Variants in S100A11 observed in about 807,000 individuals in gnomAD.
S100A11 encodes the protein protein S100-A11.
S100A11 carries 5 observed loss-of-function variants against 7.4 expected under a neutral mutation model. The ratio of observed to expected loss-of-function variants is 0.68; its 90% CI spans 0.35 to 1.42. The LOEUF is 1.42. Ranked by LOEUF, S100A11 falls within the 40% of genes most tolerant of loss-of-function variation. S100A11 has a pLI of 0.04. For synonymous variants in S100A11, 47 were observed against 46.6 expected (o/e 1.01, Z -0.04); for missense variants, 96 against 125.0 (o/e 0.77, Z 1.11).
rs1040904491 is a variant in S100A11, at chr1:152,033,893, G to A, written c.4-93C>T. 3.5e-6 allele frequency: 4 copies of A among 1,153,060 alleles called. No homozygotes were observed. The African/African-American group carries it at 6.2e-5, about 18-fold the overall frequency. 71.4% of individuals were successfully genotyped at this position (1,153,060 alleles called of 1,614,324 possible). On this transcript the variant is annotated intron_variant, in intron 1 of 2. Transcript: ENST00000271638. The surrounding 1 kb of genome is among the most constrained non-coding windows in gnomAD (Gnocchi z 4.0). ...CCAGGGACTCTTATTTCAGGTCAAA[G>A]CAGTTTCCTAAAAGACTGAGTCATT... is the stretch of plus-strand genomic sequence containing the variant.
chr1:152,033,840 A>G lies in S100A11; in HGVS notation c.4-40T>C. ...AATTGCAGGGCTCAGACAAGGGAAG[A>G]TGTCAAGGCTGGATACTGGAGAAAA... On this transcript the variant is annotated intron_variant, in intron 1 of 2. Coordinates refer to ENST00000271638, the MANE Select transcript of S100A11 (RefSeq NM_005620.2). The surrounding 1 kb of genome is among the most constrained non-coding windows in gnomAD (Gnocchi z 4.0). 6.3e-7 allele frequency: 1 copy of G among 1,592,804 alleles called. No homozygotes were observed. Among genetic ancestry groups the G allele is most frequent in the East Asian group, 2.2e-5 (1 of 44,772 alleles).
In S100A11 at chr1:152,033,498, C is replaced by A; in HGVS notation, c.156+150G>T. 1 of 710,194 alleles carries A rather than the reference C, an allele frequency of 1.4e-6. No homozygotes were observed. Among genetic ancestry groups the A allele is most frequent in the Non-Finnish European group, 2.5e-6 (1 of 407,320 alleles). The allele number at this position is 710,194 out of a possible 1,614,324, so 44.0% of individuals were successfully genotyped here. On this transcript the variant is annotated intron_variant, in intron 2 of 2. Coordinates refer to ENST00000271638, the MANE Select transcript of S100A11 (RefSeq NM_005620.2). The surrounding 1 kb of genome is among the most constrained non-coding windows in gnomAD (Gnocchi z 4.0). ...TATACCATTTCATATATCTCTCTTC[C>A]TAAATGGAAAAACTCCTGGCTTAGA...
chr1:152,033,549 G>A lies in S100A11; in HGVS notation c.156+99C>T, dbSNP rs994849174. 1 of 1,078,808 alleles carries A rather than the reference G, an allele frequency of 9.3e-7. No individual in the cohort carries two copies. The highest frequency in any genetic ancestry group is 2.4e-5 in the East Asian group (1 of 42,000). The allele number at this position is 1,078,808 out of a possible 1,614,324, so 66.8% of individuals were successfully genotyped here. The stretch of plus-strand genomic sequence containing the variant: ...GTGAGTTAAAATGAAGCAAGAGTGT[G>A]GGGTGTCAGTTGCTGCTCCTTCATT... On this transcript the variant is annotated intron_variant, in intron 2 of 2. Transcript: ENST00000271638. The surrounding 1 kb of genome is among the most constrained non-coding windows in gnomAD (Gnocchi z 4.0).
At chr1:152,032,937 A>G (rs1315946633) in intron 2 of S100A11, 114 bp from the exon 3 acceptor site, 6 of 841,962 alleles carry the variant, frequency 7.1e-6, no homozygotes, top group Non-Finnish European at 1.1e-5. Flanking sequence ...GATTATTAAT[A>G]TTCCCATTTG....
At position 152,032,644 on chromosome 1, in the gene S100A11, G is replaced by A. The variant is rs748263208; in HGVS notation, c.*18C>T. On this transcript the variant is annotated 3_prime_UTR_variant, in exon 3 of 3. Transcript: ENST00000271638. ...GGAAGGAAAGGGGGTGGGTTTGAAG[G>A]CCAGGGCCAAGGGGTCCTCAGGTCC... The A allele has an allele frequency of 1.3e-6, 2 of 1,596,798 alleles. No individual in the cohort carries two copies. Among genetic ancestry groups the A allele is most frequent in the Non-Finnish European group, 8.6e-7 (1 of 1,166,710 alleles).
Position 152,033,697 on chromosome 1 carries a change from T to C in S100A11, c.107A>G (p.Lys36Arg), listed in dbSNP as rs1483024627. ...ATTCATGAAGCTTAGGAACTCTGTC[T>C]TGGAGAGAGTGTAGTTATAACCATC... ...GKDGYNYTLS[K>R]TEFLSFMNTE... Residue 36 changes from lysine to arginine, a missense_variant, in exon 2 of 3, where the codon AAG becomes AGG. By Grantham distance (26) the Lys-to-Arg change is conservative. Transcript: ENST00000271638. This position sits in a 1 kb window ranked among gnomAD's most constrained non-coding sequence, Gnocchi z 4.0. 3 of 1,613,634 alleles carry C rather than the reference T, an allele frequency of 1.9e-6. No individual in the cohort carries two copies. Among genetic ancestry groups the C allele is most frequent in the Admixed American group, 1.7e-5 (1 of 60,012 alleles).
chr1:152,032,787 T>G lies in S100A11; in HGVS notation c.193A>C (p.Lys65Gln). Residue 65 changes from lysine (K) to glutamine (Q), a missense_variant, in exon 3 of 3, where the codon AAG becomes CAG. Physicochemically the swap from Lys to Gln is moderately conservative, Grantham distance 53 (BLOSUM62 1). Transcript: ENST00000271638. ...CCATCACTGTTGGTGTCCAGTTTCT[T>G]CATCATGCGGTCAAGGACACCAGGG... ...KDPGVLDRMM[K>Q]KLDTNSDGQL... is the part of the protein sequence containing the mutation. 6.2e-7 allele frequency: 1 copy of G among 1,613,938 alleles called. No homozygotes were observed. Among genetic ancestry groups the G allele is most frequent in the Middle Eastern group, 1.6e-4 (1 of 6,062 alleles).
chr1:152,034,718 C>T (rs1337267730), intron 1 of S100A11, among the ~76,000 whole-genome samples: 2 of 152,258 alleles, frequency 1.3e-5, no homozygotes, highest in Non-Finnish European at 2.9e-5. Flanking sequence ...AGCTGTTGGC[C>T]TCCCTCTGGT....
Position 152,036,967 on chromosome 1 carries a change from C to G in S100A11, c.-52G>C. ...CTGTGGCTGGGAGCGGCGCTGAGAG[C>G]TCTGTGCGCGCGGCGTGCGGGTCTG... On this transcript the variant is annotated 5_prime_UTR_variant, in exon 1 of 3. Coordinates refer to ENST00000271638, the MANE Select transcript of S100A11 (RefSeq NM_005620.2). 2 of 1,612,134 alleles carry G rather than the reference C, an allele frequency of 1.2e-6. No homozygotes were observed. Among genetic ancestry groups the G allele is most frequent in the Non-Finnish European group, 1.7e-6 (2 of 1,179,444 alleles).
At position 152,033,705 on chromosome 1, in the gene S100A11, A is replaced by G. The variant is rs567625034; in HGVS notation, c.99T>C (p.Thr33=). 1.2e-6 allele frequency: 2 copies of G among 1,613,612 alleles called. No individual in the cohort carries two copies. Among genetic ancestry groups the G allele is most frequent in the African/African-American group, 1.3e-5 (1 of 74,970 alleles). The change falls in exon 2 of 3, where the codon ACT becomes ACC. Residue 33 remains threonine, a synonymous_variant. Coordinates refer to ENST00000271638, the MANE Select transcript of S100A11 (RefSeq NM_005620.2). This position sits in a 1 kb window ranked among gnomAD's most constrained non-coding sequence, Gnocchi z 4.0. ...KYAGKDGYNY[T]LSKTEFLSFM... Reference sequence around the variant, plus strand: ...AGCTTAGGAACTCTGTCTTGGAGAGAGTGTAGTTATAACCATCCTTTCCAG... The same window carrying G: ...AGCTTAGGAACTCTGTCTTGGAGAGGGTGTAGTTATAACCATCCTTTCCAG...
chr1:152,035,582 C>A (rs1339894772), intron 1 of S100A11, among the ~76,000 whole-genome samples: 1 of 152,220 alleles, frequency 6.6e-6, no homozygotes, highest in South Asian at 2.1e-4. Context: ...GAAAGAGACA[C>A]AATTATCAAA....
chr1:152,036,017 T>C (rs901096062), intron 1 of S100A11, among the ~76,000 whole-genome samples: 4 of 152,244 alleles, frequency 2.6e-5, no homozygotes, highest in Non-Finnish European at 5.9e-5. Flanking sequence ...ACTTCATTTA[T>C]GGACGCTGAA....
rs761424979 is a variant in S100A11 at position 152,032,822 on chromosome 1, T to C, written c.158A>G (p.Asn53Ser). The C allele has an allele frequency of 1.2e-6, 2 of 1,605,794 alleles. No homozygotes were observed. Among genetic ancestry groups the C allele is most frequent in the East Asian group, 2.2e-5 (1 of 44,666 alleles). The change falls in exon 3 of 3, where the codon AAC (asparagine) becomes AGC (serine). Residue 53 changes from asparagine to serine, a missense_variant and splice_region_variant. Physicochemically the swap from Asn to Ser is conservative, Grantham distance 46. Coordinates refer to ENST00000271638, the MANE Select transcript of S100A11 (RefSeq NM_005620.2). ...GTCAAGGACACCAGGGTCCTTCTGGTTCTGCAGAGAAAATAATAATTACAC... is the reference window on the plus strand; with the variant it reads ...GTCAAGGACACCAGGGTCCTTCTGGCTCTGCAGAGAAAATAATAATTACAC... ...MNTELAAFTK[N>S]QKDPGVLDRM...
rs149112376 is a variant in S100A11, at chr1:152,033,215, C to T, written c.157-392G>A. On this transcript the variant is annotated intron_variant, in intron 2 of 2. Transcript: ENST00000271638. This position sits in a 1 kb window ranked among gnomAD's most constrained non-coding sequence, Gnocchi z 4.0. ...ATCCTCCACTTGCCCAAGCTGCCAA[C>T]ACAGATACAGACTTAGAGCCACTGG... 6.5e-4 allele frequency among the ~76,000 whole-genome samples: 99 copies of T among 152,348 alleles called. 1 individual carries two copies. The highest frequency in any genetic ancestry group is 2.1e-3 in the African/African-American group (88 of 41,588).
At chr1:152,032,867 A>C in intron 2 of S100A11, 44 bp from the exon 3 acceptor site, 2 of 1,434,916 alleles carry the variant, frequency 1.4e-6, no homozygotes, top group Non-Finnish European at 2.0e-6. Context: ...GCATCTTCTA[A>C]TGTGCTTTCA....
chr1:152,036,966 G>A lies in S100A11; in HGVS notation c.-51C>T, dbSNP rs779900419. On this transcript the variant is annotated 5_prime_UTR_variant, in exon 1 of 3. Coordinates refer to ENST00000271638, the MANE Select transcript of S100A11 (RefSeq NM_005620.2). ...GCTGTGGCTGGGAGCGGCGCTGAGA[G>A]CTCTGTGCGCGCGGCGTGCGGGTCT... The A allele has an allele frequency of 1.9e-6, 3 of 1,611,446 alleles. No homozygotes were observed. Among genetic ancestry groups the A allele is most frequent in the Non-Finnish European group, 2.5e-6 (3 of 1,179,040 alleles).
chr1:152,034,498 C>T (rs924002645), intron 1 of S100A11, among the ~76,000 whole-genome samples: 1 of 152,238 alleles, frequency 6.6e-6, no homozygotes, highest in Non-Finnish European at 1.5e-5. Flanking sequence ...GCTTCCACTT[C>T]CTGGTGGGAA....
At chr1:152,034,419 A>G (rs1656795559) in intron 1 of S100A11, among the ~76,000 whole-genome samples, 1 of 152,262 alleles carries the variant, frequency 6.6e-6, no homozygotes, top group South Asian at 2.1e-4. Flanking sequence ...GGAGAAGGGA[A>G]TGGATATGGC....
In S100A11 at chr1:152,032,672, T is replaced by C; in HGVS notation, c.308A>G (p.Lys103Arg). Residue 103 changes from lysine (K) to arginine (R), a missense_variant, in exon 3 of 3, where the codon AAG becomes AGG. Physicochemically the swap from Lys to Arg is conservative, Grantham distance 26 (BLOSUM62 2). Coordinates refer to ENST00000271638, the MANE Select transcript of S100A11 (RefSeq NM_005620.2). ...DSFLKAVPSQKRT is the reference protein window; with the variant it reads ...DSFLKAVPSQRRT ...AGGGCCAAGGGGTCCTCAGGTCCGCTTCTGGGAAGGGACAGCCTTGAGGAA... is the reference window on the plus strand; with the variant it reads ...AGGGCCAAGGGGTCCTCAGGTCCGCCTCTGGGAAGGGACAGCCTTGAGGAA... 1 of 1,610,644 alleles carries C rather than the reference T, an allele frequency of 6.2e-7. No individual in the cohort carries two copies. The highest frequency in any genetic ancestry group is 8.5e-7 in the Non-Finnish European group (1 of 1,177,298).
Sources: allele counts gnomAD v4.1 joint callset (sites outside exome capture counted in the v4.1 genomes callset), GRCh38; gene constraint gnomAD v4.1.1; non-coding constraint Gnocchi (gnomAD v3.1); transcripts MANE v1.5; gene names NCBI Gene and HGNC (gene_info 2026-07-23, HGNC 2026-07-21).